The following ABCA9 variants were observed in gnomAD, a reference collection of about 807,000 sequenced individuals.
The protein encoded by ABCA9 is ATP-binding cassette sub-family A member 9.
A neutral mutation model predicts 205.3 loss-of-function variants in ABCA9; 183 were observed. That is an observed-to-expected ratio of 0.89 (90% CI 0.79 to 1.01). The LOEUF (loss-of-function observed/expected upper bound fraction) is 1.01. Ranked by LOEUF, ABCA9 falls within the 50% of genes least tolerant of loss-of-function variation. The pLI, the probability that ABCA9 is intolerant of heterozygous loss-of-function variation, is 0.00. For missense variants in ABCA9, 1,805 were observed against 1,912.4 expected, an observed-to-expected ratio of 0.94 and a Z score of 1.05; for synonymous variants, 651 against 683.3, an observed-to-expected ratio of 0.95 and a Z score of 0.74.
At chr17:68,998,672 G>A (rs552580813) in intron 25 of ABCA9, among the ~76,000 whole-genome samples, 1 of 152,030 alleles carries the variant, frequency 6.6e-6, no homozygotes, top group South Asian at 2.1e-4. Flanking sequence ...TGTTGGATTG[G>A]TTTTGTATTT....
chr17:69,003,342 G>A (rs936831771), intron 25 of ABCA9, among the ~76,000 whole-genome samples: 1 of 150,736 alleles, frequency 6.6e-6, no homozygotes, highest in Non-Finnish European at 1.5e-5. Context: ...GCATTTGCTT[G>A]TCTGTAAAGG....
chr17:69,064,926 A>C (rs1045870518), upstream of ABCA9, among the ~76,000 whole-genome samples: 6 of 151,836 alleles, frequency 4.0e-5, no homozygotes, highest in Non-Finnish European at 8.8e-5. Flanking sequence ...CTGTCATTCC[A>C]TTATTGTTTT....
intron 31 of ABCA9, among the ~76,000 whole-genome samples, chr17:68,986,944 C>A (rs917963016): frequency 2.0e-5 from 3 of 152,134 alleles, no homozygotes; most frequent in Non-Finnish European, 4.4e-5. Context: ...AAACAAAAAA[C>A]TTTTAGCACT....
chr17:69,028,827 ATGT>A (rs1240088277), intron 11 of ABCA9, among the ~76,000 whole-genome samples, 182 bp from the exon 12 acceptor site: 1 of 152,238 alleles, frequency 6.6e-6, no homozygotes, highest in Non-Finnish European at 1.5e-5. Flanking sequence ...TATTGTCAAT[ATGT>A]TATTATGCAA....
chr17:69,043,626 A>T lies in ABCA9; in HGVS notation c.663T>A (p.Val221=). 1 of 1,613,846 alleles carries T rather than the reference A, an allele frequency of 6.2e-7. No individual in the cohort carries two copies. ...AAAAGAAAATGAAAAAATCAGTTGCAACTCCTCCTTGGGCAACAAAAGGTA... is the reference window on the plus strand; with the variant it reads ...AAAAGAAAATGAAAAAATCAGTTGCTACTCCTCCTTGGGCAACAAAAGGTA... ...KILPFVAQGG[V]ATDFFIFFCI... Residue 221 remains valine, a synonymous_variant, in exon 6 of 39, where the codon GTT becomes GTA. Transcript: ENST00000340001.
In ABCA9 at chr17:68,989,130, T is replaced by G; in HGVS notation, c.3956-12A>C. 1 of 1,542,672 alleles carries G rather than the reference T, an allele frequency of 6.5e-7. No individual in the cohort carries two copies. On this transcript the variant is annotated splice_polypyrimidine_tract_variant and intron_variant, in intron 30 of 38. Transcript: ENST00000340001. ...TCCTATAACTTCACCTGAAAGAAAG[T>G]GGTATGCTCAGAAATATACAAATAA...
chr17:68,981,339 AAAAAG>A (rs1328844901), intron 37 of ABCA9, among the ~76,000 whole-genome samples: 2 of 151,660 alleles, frequency 1.3e-5, no homozygotes, highest in Non-Finnish European at 2.9e-5. Flanking sequence ...AAAAAAAAGA[AAAAAG>A]AAAGCAGAAA....
Position 69,012,083 on chromosome 17 carries a change from C to T in ABCA9, c.3040G>A (p.Glu1014Lys), listed in dbSNP as rs776049752. 1.9e-6 allele frequency: 3 copies of T among 1,602,998 alleles called. No individual in the cohort carries two copies. The East Asian group carries it at 6.7e-5, about 36-fold the overall frequency. The change falls in exon 23 of 39, where the codon GAG (glutamate) becomes AAG (lysine). Residue 1014 changes from glutamate (E) to lysine (K), a missense_variant and splice_region_variant. Physicochemically the swap from Glu to Lys is moderately conservative, Grantham distance 56. Coordinates refer to ENST00000340001, the MANE Select transcript of ABCA9 (RefSeq NM_080283.4). ...IQTDRSTFFE[E>K]HMDYEYGYRS... ...TACCCATACTCATAATCCATATGCT[C>T]CTGAAATCATGTGGAACATGGTGAG...
intron 29 of ABCA9, among the ~76,000 whole-genome samples, chr17:68,990,605 C>T (rs111849997): frequency 6.6e-6 from 1 of 152,132 alleles, no homozygotes; most frequent in African/African-American, 2.4e-5. Flanking sequence ...AGGCTGGTCT[C>T]AAACACCTGA....
At chr17:69,073,236 T>C in the ABCA9 span, among the ~76,000 whole-genome samples, 4 of 152,204 alleles carry the variant, frequency 2.6e-5, no homozygotes, top group Admixed American at 1.3e-4. Context: ...AACTCAGCTC[T>C]GGACCAAGCA....
intron 23 of ABCA9, chr17:69,011,699 G>GAGTA (rs1353354725): frequency 3.7e-5 from 11 of 298,762 alleles, no homozygotes; most frequent in African/African-American, 2.0e-4. Flanking sequence ...TTATGTCTGT[G>GAGTA]AGTAAGTCTT....
the ABCA9 span, among the ~76,000 whole-genome samples, chr17:69,069,416 G>A: frequency 1.3e-5 from 2 of 152,090 alleles, no homozygotes; most frequent in Non-Finnish European, 2.9e-5. Context: ...ACTGGAGGAG[G>A]GCAAAGCCTG....
In ABCA9 at chr17:68,986,265, CT is replaced by C; in HGVS notation, c.4106del (p.Gln1369ArgfsTer9). Reference protein sequence around the residue: ...EPLGFLGYCPQENALWPNLTV... With the variant: ...EPLGFLGYCPXENALWPNLTV... Reference sequence around the variant, plus strand: ...TCAGGTTGGGCCACAGCGCATTCTCCTGAGGGCAGTACCCCAGGAAGCCCAG... The same window carrying C: ...TCAGGTTGGGCCACAGCGCATTCTCCGAGGGCAGTACCCCAGGAAGCCCAG... On this transcript the variant is annotated frameshift_variant, in exon 32 of 39. Coordinates refer to ENST00000340001, the MANE Select transcript of ABCA9 (RefSeq NM_080283.4). LOFTEE classifies it high-confidence loss of function. 6.2e-7 allele frequency: 1 copy of C among 1,614,006 alleles called. No homozygotes were observed. Among genetic ancestry groups the C allele is most frequent in the East Asian group, 2.2e-5 (1 of 44,852 alleles).
chr17:68,989,915 C>T lies in ABCA9; in HGVS notation c.3853G>A (p.Ala1285Thr), dbSNP rs201203339. 148 of 1,610,558 alleles carry T rather than the reference C, an allele frequency of 9.2e-5. No individual in the cohort carries two copies. The East Asian group carries it at 3.2e-3, about 35-fold the overall frequency. The change falls in exon 30 of 39, where the codon GCC (alanine) becomes ACC (threonine). Residue 1285 changes from alanine (A) to threonine (T), a missense_variant. By Grantham distance (58) the Ala-to-Thr change is moderately conservative. Transcript: ENST00000340001. ...GCATATTCCTTCCGTAGACAGCTGG[C>T]AATGATGACGGGTGTCTGTAAAGAC... ...RDFDETPVII[A>T]SCLRKEYAGK...
chr17:68,989,679 CT>C, intron 30 of ABCA9, 133 bp downstream of exon 30: 2 of 584,330 alleles, frequency 3.4e-6, no homozygotes, highest in Non-Finnish European at 6.1e-6. Flanking sequence ...TCAACTGAGG[CT>C]TTTAAGCAGG....
At chr17:68,976,264 T>C in intron 37 of ABCA9, 74 bp from the exon 38 acceptor site, 1 of 1,188,584 alleles carries the variant, frequency 8.4e-7, no homozygotes, top group Non-Finnish European at 1.2e-6. Flanking sequence ...CAAACCAAAA[T>C]ACATACAAGT....
chr17:68,987,495 G>C (rs1321423351), intron 31 of ABCA9, among the ~76,000 whole-genome samples: 1 of 152,174 alleles, frequency 6.6e-6, no homozygotes, highest in Admixed American at 6.5e-5. Flanking sequence ...AGGCATTTTG[G>C]GGAGATAAAT....
chr17:69,016,383 C>A lies in ABCA9; in HGVS notation c.2909G>T (p.Arg970Ile). 6.3e-7 allele frequency: 1 copy of A among 1,578,584 alleles called. No individual in the cohort carries two copies. The highest frequency in any genetic ancestry group is 2.4e-5 in the East Asian group (1 of 42,530). The part of the protein sequence containing the change: ...IIVSGDEKDH[R>I]FSIACNTKRL... ...TTTTGTATTACATGCTATTGAAAAT[C>A]TGTGATCCTGAAATACAACAAGTAC... is the stretch of plus-strand genomic sequence containing the variant. The change falls in exon 22 of 39, where the codon AGA (arginine) becomes ATA (isoleucine). Residue 970 changes from arginine to isoleucine, a missense_variant. By Grantham distance (97) the Arg-to-Ile change is moderately conservative. Transcript: ENST00000340001.
intron 25 of ABCA9, among the ~76,000 whole-genome samples, chr17:69,000,783 T>C (rs1411696314): frequency 2.0e-5 from 3 of 149,838 alleles, no homozygotes; most frequent in Non-Finnish European, 4.4e-5. Context: ...TCCATTTGTA[T>C]CCTCTTTTAT....
Sources: gnomAD v4.1 joint callset for allele counts (sites outside exome capture counted in the v4.1 genomes callset) on GRCh38, gnomAD v4.1.1 for gene constraint, MANE v1.5 for transcripts, NCBI Gene and HGNC (gene_info 2026-07-23, HGNC 2026-07-21) for gene names.